Variants in ROBO2 observed in about 807,000 individuals in gnomAD.
ROBO2 encodes roundabout homolog 2.
Under a neutral mutation model 160.8 loss-of-function variants are expected in ROBO2, and 53 were observed. The ratio of observed to expected loss-of-function variants is 0.33; its 90% CI spans 0.26 to 0.41. ROBO2 has a LOEUF of 0.41. Ranked by LOEUF, ROBO2 falls within the 10% of genes least tolerant of loss-of-function variation. ROBO2 has a pLI of 1.00. For missense variants in ROBO2, 1,577 were observed against 1,722.4 expected (o/e 0.92, Z 1.49); for synonymous variants, 664 against 611.7 (o/e 1.09, Z -1.26).
rs1248417400 is a variant in ROBO2 at position 76,605,484 on chromosome 3, T to C, written c.110-492530T>C. Among the ~76,000 whole-genome samples the C allele has an allele frequency of 2.0e-5, 3 of 152,124 alleles. No homozygotes were observed. In the East Asian group the frequency reaches 5.8e-4, roughly 29 times the overall value. The stretch of plus-strand genomic sequence containing the variant: ...CATGGAAGTGTCAAAAACTAACAAT[T>C]GTTCATGTGAAAAGCCCTAGAATTT... On this transcript the variant is annotated intron_variant, in intron 2 of 26. Coordinates refer to the ROBO2 transcript ENST00000487694.
At chr3:77,007,389 A>G (rs1234644611) in intron 2 of ROBO2, among the ~76,000 whole-genome samples, 1 of 152,078 alleles carries the variant, frequency 6.6e-6, no homozygotes, top group Non-Finnish European at 1.5e-5. Context: ...GATACTAAAA[A>G]TATGAACATC....
rs139932054 is a variant in ROBO2 at position 76,487,936 on chromosome 3, G to C, written c.109+550334G>C. Among the ~76,000 whole-genome samples, 477 of 152,228 alleles carry C rather than the reference G, an allele frequency of 3.1e-3. 2 individuals carry two copies. Among genetic ancestry groups the C allele is most frequent in the African/African-American group, 0.011 (459 of 41,544 alleles). On this transcript the variant is annotated intron_variant, in intron 2 of 26. Transcript: ENST00000487694. ...ACTCTCTCTGAGTTTAGCCTGCAAA[G>C]GTAGTTATACAATGTATGGCAATCA...
chr3:77,119,489 C>T (rs552426308), intron 2 of ROBO2, among the ~76,000 whole-genome samples: 1 of 152,274 alleles, frequency 6.6e-6, no homozygotes, highest in South Asian at 2.1e-4. Context: ...AGCATGAACA[C>T]TTGTTCTTCC....
At chr3:77,398,257 A>G (rs2075462332) in intron 2 of ROBO2, among the ~76,000 whole-genome samples, 1 of 151,980 alleles carries the variant, frequency 6.6e-6, no homozygotes, top group Non-Finnish European at 1.5e-5. Flanking sequence ...TGCGGGAGGG[A>G]GTGAGTTAGT....
intron 16 of ROBO2, among the ~76,000 whole-genome samples, chr3:77,583,152 CAAAAAAAAAAAA>C (rs56827523): frequency 1.9e-5 from 1 of 53,770 alleles, no homozygotes; most frequent in Admixed American, 2.1e-4. Context: ...TCTGTCTCTC[CAAAAAAAAAAAA>C]AAAAAAAAAA....
At chr3:76,371,633 A>G (rs2076107358) in intron 2 of ROBO2, among the ~76,000 whole-genome samples, 1 of 151,960 alleles carries the variant, frequency 6.6e-6, no homozygotes, top group Admixed American at 6.6e-5. Flanking sequence ...TGAATGAGAC[A>G]TATTTTCAAG....
intron 2 of ROBO2, among the ~76,000 whole-genome samples, chr3:77,428,545 A>G (rs1173682703): frequency 2.0e-5 from 3 of 149,668 alleles, no homozygotes; most frequent in African/African-American, 7.4e-5. Context: ...TTTAGTAGAG[A>G]CGGGGTTTCA....
chr3:77,519,075 T>C (rs2090326179), intron 5 of ROBO2, among the ~76,000 whole-genome samples: 2 of 151,512 alleles, frequency 1.3e-5, no homozygotes, highest in East Asian at 1.9e-4. Context: ...TAGTCTCTTT[T>C]ATTAATTGTT....
At chr3:77,356,920 G>A (rs1046991648) in intron 2 of ROBO2, among the ~76,000 whole-genome samples, 4 of 152,088 alleles carry the variant, frequency 2.6e-5, no homozygotes, top group African/African-American at 9.7e-5. Context: ...ATTTTGCTTA[G>A]ATGATGACTA....
chr3:76,975,996 G>A (rs2059798386), intron 2 of ROBO2, among the ~76,000 whole-genome samples: 1 of 152,212 alleles, frequency 6.6e-6, no homozygotes, highest in Admixed American at 6.5e-5. Context: ...ATAATTGGAC[G>A]TACAGAGTCT....
intron 2 of ROBO2, among the ~76,000 whole-genome samples, chr3:76,852,854 T>C (rs1382387651): frequency 2.0e-5 from 3 of 152,156 alleles, no homozygotes; most frequent in Non-Finnish European, 4.4e-5. Flanking sequence ...GTCGTGATAG[T>C]TGTAAATATA....
At chr3:77,092,370 T>C (rs1701055875) in intron 1 of ROBO2, among the ~76,000 whole-genome samples, 1 of 151,856 alleles carries the variant, frequency 6.6e-6, no homozygotes, top group Non-Finnish European at 1.5e-5. Context: ...TGGCACATTT[T>C]GGATTAAAGG....
intron 2 of ROBO2, among the ~76,000 whole-genome samples, chr3:75,998,540 T>A (rs552052820): frequency 1.3e-5 from 2 of 152,306 alleles, no homozygotes; most frequent in Admixed American, 6.5e-5. Flanking sequence ...CCTGCAAAGC[T>A]AAGATAAATT....
chr3:76,371,215 C>A (rs758519532), intron 2 of ROBO2, among the ~76,000 whole-genome samples: 1 of 151,906 alleles, frequency 6.6e-6, no homozygotes, highest in Non-Finnish European at 1.5e-5. Flanking sequence ...AAGTTTGCTT[C>A]ATTAAAATAA....
intron 2 of ROBO2, among the ~76,000 whole-genome samples, chr3:76,877,369 T>A (rs2072857903): frequency 6.6e-6 from 1 of 152,206 alleles, no homozygotes; most frequent in Non-Finnish European, 1.5e-5. Context: ...GCCTAATTAA[T>A]TTAGTATTCT....
At chr3:76,542,707 CT>C (rs1295973262) in intron 2 of ROBO2, among the ~76,000 whole-genome samples, 2 of 152,078 alleles carry the variant, frequency 1.3e-5, no homozygotes, top group Non-Finnish European at 2.9e-5. Flanking sequence ...TCCGCAAGAT[CT>C]TGAAAGGAAT....
intron 2 of ROBO2, among the ~76,000 whole-genome samples, chr3:76,567,634 TATATATATATATATATATACAC>T (rs1470437535): frequency 1.2e-5 from 1 of 84,602 alleles, no homozygotes; most frequent in Non-Finnish European, 2.4e-5. Context: ...TATATATATA[TATATATATATATATATATACAC>T]ATACACATAT....
intron 2 of ROBO2, among the ~76,000 whole-genome samples, chr3:76,629,372 G>C (rs759670803): frequency 1.3e-5 from 2 of 152,116 alleles, no homozygotes; most frequent in Non-Finnish European, 2.9e-5. Context: ...AAGGAGTGTT[G>C]ATTCACATAA....
intron 2 of ROBO2, among the ~76,000 whole-genome samples, chr3:76,840,524 C>G (rs960769800): frequency 6.6e-6 from 1 of 151,120 alleles, no homozygotes; most frequent in Non-Finnish European, 1.5e-5. Flanking sequence ...GCAGGAGAAT[C>G]GCTTGAACCC....
Sources: allele counts gnomAD v4.1 joint callset (sites outside exome capture counted in the v4.1 genomes callset), GRCh38; gene constraint gnomAD v4.1.1; transcripts MANE v1.5; gene names NCBI Gene and HGNC (gene_info 2026-07-23, HGNC 2026-07-21).